Variants in KDM2B observed in about 807,000 individuals in gnomAD.
The protein encoded by KDM2B is lysine-specific demethylase 2B.
KDM2B carries 26 observed loss-of-function variants against 150.0 expected under a neutral mutation model. The observed-to-expected ratio is 0.17, with a 90% CI of 0.13 to 0.24. The LOEUF is 0.24. Ranked by LOEUF, KDM2B falls within the 10% of genes least tolerant of loss-of-function variation. The pLI, the probability that KDM2B is intolerant of heterozygous loss-of-function variation, is 1.00. For missense variants in KDM2B, 1,265 were observed against 1,816.9 expected (o/e 0.70, Z 5.52); for synonymous variants, 734 against 729.5 (o/e 1.01, Z -0.10).
intron 4 of KDM2B, 63 bp downstream of exon 4, chr12:121,574,484 G>T: frequency 6.6e-7 from 1 of 1,515,322 alleles, no homozygotes; most frequent in Non-Finnish European, 9.1e-7. Flanking sequence ...GGCAGGTGGT[G>T]ACCGCCTCTT....
chr12:121,444,143 G>T lies in KDM2B; in HGVS notation c.2320C>A (p.Pro774Thr), dbSNP rs1454900544. The T allele has an allele frequency of 3.1e-6, 5 of 1,612,596 alleles. No homozygotes were observed. The highest frequency in any genetic ancestry group is 4.2e-6 in the Non-Finnish European group (5 of 1,180,050). The change falls in exon 16 of 23, where the codon CCC becomes ACC. Residue 774 changes from proline (P) to threonine (T), a missense_variant. Pro to Thr is a conservative substitution (Grantham distance 38). Around this residue, in one of 11 missense-constraint regions of KDM2B, gnomAD observed 418 missense variants for 402.4 expected, o/e 1.04. Transcript: ENST00000377071. The stretch of plus-strand genomic sequence containing the variant: ...GAGTGCTCATCCGACCTGCGCCGGG[G>T]CGCCTCCTCACACTCACTCCTCCGC... Reference protein sequence around the residue: ...AKRRSECEEAPRRRSDEHSKK... With the variant: ...AKRRSECEEATRRRSDEHSKK...
chr12:121,516,865 T>TG (rs1368833001), intron 9 of KDM2B: 19 of 467,142 alleles, frequency 4.1e-5, no homozygotes, highest in East Asian at 1.0e-4. Flanking sequence ...GTTTTTCTCC[T>TG]GGAAAAAAAA....
intron 9 of KDM2B, among the ~76,000 whole-genome samples, chr12:121,517,533 A>G (rs1368934060): frequency 1.3e-5 from 2 of 151,252 alleles, no homozygotes; most frequent in African/African-American, 4.9e-5. Flanking sequence ...CAGTGGCTCA[A>G]TCTAAGCACA....
chr12:121,465,480 C>G (rs1271756184), intron 12 of KDM2B, among the ~76,000 whole-genome samples: 1 of 152,158 alleles, frequency 6.6e-6, no homozygotes, highest in Non-Finnish European at 1.5e-5. Flanking sequence ...GTGATCCACC[C>G]GCGTTGGCCT....
At chr12:121,420,508 G>T in the KDM2B span, 1 of 1,581,454 alleles carries the variant, frequency 6.3e-7, no homozygotes, top group Non-Finnish European at 8.7e-7. Flanking sequence ...TTCAGGGCCA[G>T]TGATGAGTTT....
At chr12:121,576,493 C>T (rs1284543862) in intron 2 of KDM2B, among the ~76,000 whole-genome samples, 2 of 152,152 alleles carry the variant, frequency 1.3e-5, no homozygotes, top group Non-Finnish European at 2.9e-5. Flanking sequence ...CCATCACAGT[C>T]CTTGCTTCAG....
chr12:121,501,872 C>T (rs1301710314), intron 11 of KDM2B, among the ~76,000 whole-genome samples: 7 of 152,138 alleles, frequency 4.6e-5, no homozygotes, highest in African/African-American at 1.2e-4. Context: ...CCGCCCGCCT[C>T]GGCCTCCCAA....
At chr12:121,522,659 T>C (rs1334861852) in intron 8 of KDM2B, among the ~76,000 whole-genome samples, 1 of 151,844 alleles carries the variant, frequency 6.6e-6, no homozygotes, top group Non-Finnish European at 1.5e-5. Flanking sequence ...ACCAGCCTGG[T>C]CAATATGGCG....
chr12:121,527,007 T>G (rs370028656), intron 8 of KDM2B, among the ~76,000 whole-genome samples: 2 of 152,024 alleles, frequency 1.3e-5, no homozygotes, highest in Admixed American at 6.5e-5. Flanking sequence ...ACTCCAGCCT[T>G]GGCAACAAGA....
intron 4 of KDM2B, among the ~76,000 whole-genome samples, chr12:121,551,228 AC>A (rs1889464102): frequency 6.6e-6 from 1 of 152,232 alleles, no homozygotes; most frequent in African/African-American, 2.4e-5. Context: ...TGTGGTCGGA[AC>A]TGAAAAATAA....
intron 6 of KDM2B, among the ~76,000 whole-genome samples, chr12:121,544,774 G>T (rs1174722549): frequency 6.6e-6 from 1 of 151,858 alleles, no homozygotes; most frequent in African/African-American, 2.4e-5. Context: ...TTAGCTGGGT[G>T]TGGTGGTGGG....
chr12:121,435,954 G>A (rs370555010), intron 22 of KDM2B, among the ~76,000 whole-genome samples: 1 of 152,158 alleles, frequency 6.6e-6, no homozygotes, highest in Admixed American at 6.5e-5. Flanking sequence ...CATTCAAGCT[G>A]AGGAGGGCCT....
chr12:121,447,593 T>C (rs1482474895), intron 13 of KDM2B, among the ~76,000 whole-genome samples: 1 of 152,136 alleles, frequency 6.6e-6, no homozygotes, highest in African/African-American at 2.4e-5. Context: ...TACAAAAATA[T>C]AAAACAACGC....
intron 12 of KDM2B, among the ~76,000 whole-genome samples, chr12:121,456,548 G>C (rs1368208481): frequency 1.3e-5 from 2 of 152,152 alleles, no homozygotes; most frequent in Admixed American, 1.3e-4. Context: ...CCCCGGAGCT[G>C]GAGAGTCTAA....
At chr12:121,535,637 AG>A (rs1888026389) in intron 6 of KDM2B, among the ~76,000 whole-genome samples, 1 of 152,230 alleles carries the variant, frequency 6.6e-6, no homozygotes, top group South Asian at 2.1e-4. Context: ...CCATGCACAG[AG>A]GAAGAGAAGG....
chr12:121,544,711 G>A (rs1888882245), intron 6 of KDM2B, among the ~76,000 whole-genome samples: 1 of 151,438 alleles, frequency 6.6e-6, no homozygotes, highest in South Asian at 2.1e-4. Context: ...TCAGGAGTTC[G>A]AGACCGGCCT....
At chr12:121,506,597 A>G (rs1458952269) in intron 11 of KDM2B, among the ~76,000 whole-genome samples, 1 of 152,070 alleles carries the variant, frequency 6.6e-6, no homozygotes, top group Admixed American at 6.6e-5. Flanking sequence ...AAGTCAGGGG[A>G]TCAAGACCAT....
the KDM2B span, among the ~76,000 whole-genome samples, chr12:121,411,167 A>G: frequency 2.0e-5 from 3 of 152,134 alleles, no homozygotes; most frequent in Non-Finnish European, 4.4e-5. Flanking sequence ...GCCTCAAACA[A>G]TCCTCCCACC....
At chr12:121,462,478 C>T (rs1324814986) in intron 12 of KDM2B, among the ~76,000 whole-genome samples, 3 of 152,052 alleles carry the variant, frequency 2.0e-5, no homozygotes, top group Non-Finnish European at 2.9e-5. Context: ...GATCAGAGGC[C>T]CCTGTCTTAA....
Sources: allele counts gnomAD v4.1 joint callset (sites outside exome capture counted in the v4.1 genomes callset), GRCh38; gene constraint gnomAD v4.1.1; regional missense constraint gnomAD v4.1.1; transcripts MANE v1.5; gene names NCBI Gene and HGNC (gene_info 2026-07-23, HGNC 2026-07-21).